The following SLC24A2 variants were observed in gnomAD, a reference collection of about 807,000 sequenced individuals.
SLC24A2 encodes the protein sodium/potassium/calcium exchanger 2.
In SLC24A2, 36 loss-of-function variants were observed where a neutral mutation model predicts 62.0. That is an observed-to-expected ratio of 0.58 (90% CI 0.44 to 0.77). The LOEUF (loss-of-function observed/expected upper bound fraction) is 0.77, where lower values mean the gene tolerates loss of function less well. Among genes scored for constraint, SLC24A2 ranks in the 30% least tolerant of loss-of-function variants. The pLI, the probability that SLC24A2 is intolerant of heterozygous loss-of-function variation, is 0.00. For synonymous variants in SLC24A2, 358 were observed against 294.0 expected (o/e 1.22, Z -2.23); for missense variants, 846 against 817.9 (o/e 1.03, Z -0.42).
At chr9:19,768,438 T>C (rs763970298) in intron 2 of SLC24A2, among the ~76,000 whole-genome samples, 4 of 152,170 alleles carry the variant, frequency 2.6e-5, no homozygotes, top group Non-Finnish European at 4.4e-5. Context: ...TTTGATATAG[T>C]AGCCTCCCCT....
At chr9:19,618,677 T>G (rs1035809952) in intron 4 of SLC24A2, among the ~76,000 whole-genome samples, 8 of 152,180 alleles carry the variant, frequency 5.3e-5, no homozygotes, top group Non-Finnish European at 8.8e-5. Flanking sequence ...GATCTCTGAT[T>G]CATACAACAT....
the SLC24A2 span, among the ~76,000 whole-genome samples, chr9:20,068,086 C>T: frequency 1.2e-4 from 13 of 112,640 alleles, no homozygotes; most frequent in South Asian, 1.4e-3. Flanking sequence ...TTTTTGGAGA[C>T]GGAGTCTCGC....
At chr9:20,063,115 C>A in the SLC24A2 span, among the ~76,000 whole-genome samples, 2 of 121,492 alleles carry the variant, frequency 1.6e-5, no homozygotes, top group Middle Eastern at 3.9e-3. Flanking sequence ...CTAGAAATAC[C>A]ATTTGACACA....
At chr9:19,808,932 G>A in the SLC24A2 span, among the ~76,000 whole-genome samples, 1,339 of 152,226 alleles carry the variant, frequency 8.8e-3, 22 homozygotes, top group African/African-American at 0.03. This position sits in a 1 kb window ranked among gnomAD's most constrained non-coding sequence, Gnocchi z 4.1. Context: ...TTTTCTTACA[G>A]AAATGAACAT....
At chr9:19,712,150 G>C (rs938099976) in intron 2 of SLC24A2, among the ~76,000 whole-genome samples, 2 of 152,214 alleles carry the variant, frequency 1.3e-5, no homozygotes, top group African/African-American at 4.8e-5. Flanking sequence ...CGGCTCCAGA[G>C]ACTGAGGTCA....
the SLC24A2 span, among the ~76,000 whole-genome samples, chr9:20,270,011 A>G: frequency 6.6e-6 from 1 of 152,214 alleles, no homozygotes. Context: ...AACATGGTGG[A>G]GAATTTCAAA....
the SLC24A2 span, among the ~76,000 whole-genome samples, chr9:19,806,394 G>A: frequency 1.3e-5 from 2 of 152,218 alleles, no homozygotes; most frequent in East Asian, 1.9e-4. Flanking sequence ...TTCAAAGAAT[G>A]GAAATCAATG....
chr9:19,524,137 C>CAAAAAA (rs57173482), intron 9 of SLC24A2, among the ~76,000 whole-genome samples: 4 of 84,696 alleles, frequency 4.7e-5, no homozygotes, highest in Non-Finnish European at 8.6e-5. Context: ...ACTTCATTTT[C>CAAAAAA]AAAAAAAAAA....
At chr9:19,644,954 A>C (rs1818600794) in intron 2 of SLC24A2, among the ~76,000 whole-genome samples, 1 of 152,166 alleles carries the variant, frequency 6.6e-6, no homozygotes, top group South Asian at 2.1e-4. Context: ...CATAAATTGG[A>C]ATTTTCAGGC....
chr9:20,175,418 T>C, the SLC24A2 span, among the ~76,000 whole-genome samples: 4 of 151,974 alleles, frequency 2.6e-5, no homozygotes, highest in Admixed American at 6.6e-5. Context: ...GTTTGAGGTA[T>C]AGAGAATGGT....
At chr9:19,813,667 C>T in the SLC24A2 span, among the ~76,000 whole-genome samples, 1 of 152,092 alleles carries the variant, frequency 6.6e-6, no homozygotes, top group African/African-American at 2.4e-5. Context: ...TGAATGTTTG[C>T]ATCCCCTCAA....
chr9:20,110,501 T>A, the SLC24A2 span, among the ~76,000 whole-genome samples: 2 of 151,962 alleles, frequency 1.3e-5, no homozygotes, highest in African/African-American at 2.4e-5. Flanking sequence ...ATTATAACAA[T>A]CAAAGGCTGA....
chr9:20,268,611 G>A, the SLC24A2 span, among the ~76,000 whole-genome samples: 1 of 152,148 alleles, frequency 6.6e-6, no homozygotes, highest in Admixed American at 6.5e-5. Flanking sequence ...CTCATCAGAT[G>A]CAGCCCCTCA....
intron 2 of SLC24A2, among the ~76,000 whole-genome samples, chr9:19,755,772 A>G (rs1354930117): frequency 6.6e-6 from 1 of 152,234 alleles, no homozygotes. Context: ...GCTAGTCAGA[A>G]CAGTCAACTT....
chr9:19,814,550 A>C, the SLC24A2 span, among the ~76,000 whole-genome samples: 19 of 152,210 alleles, frequency 1.2e-4, no homozygotes, highest in East Asian at 9.6e-4. Flanking sequence ...AGAATGTGCT[A>C]ATCCTCAGAA....
the SLC24A2 span, among the ~76,000 whole-genome samples, chr9:20,123,726 A>T: frequency 6.6e-6 from 1 of 152,198 alleles, no homozygotes; most frequent in African/African-American, 2.4e-5. Context: ...CATTAACGTC[A>T]CACATCTAGT....
At chr9:19,533,913 G>C (rs766640459) in intron 8 of SLC24A2, among the ~76,000 whole-genome samples, 11 of 152,212 alleles carry the variant, frequency 7.2e-5, no homozygotes, top group Admixed American at 6.5e-4. Context: ...TGTATATGCA[G>C]AATACACCCA....
chr9:19,971,207 C>A, the SLC24A2 span, among the ~76,000 whole-genome samples: 7 of 152,158 alleles, frequency 4.6e-5, no homozygotes, highest in Non-Finnish European at 7.3e-5. Flanking sequence ...AGTCAACAAC[C>A]AGCCAATCCC....
At chr9:19,662,970 G>A (rs1039035791) in intron 2 of SLC24A2, among the ~76,000 whole-genome samples, 3 of 152,182 alleles carry the variant, frequency 2.0e-5, no homozygotes, top group African/African-American at 7.2e-5. Context: ...ATGCAGGAAT[G>A]CTACATAGCA....
Sources: gnomAD v4.1 joint callset for allele counts (sites outside exome capture counted in the v4.1 genomes callset) on GRCh38, gnomAD v4.1.1 for gene constraint, Gnocchi (gnomAD v3.1) non-coding constraint, MANE v1.5 for transcripts, NCBI Gene and HGNC (gene_info 2026-07-23, HGNC 2026-07-21) for gene names.